The following PTPRM variants were observed in gnomAD, a reference collection of about 807,000 sequenced individuals.
PTPRM encodes receptor-type tyrosine-protein phosphatase mu.
Under a neutral mutation model 186.7 loss-of-function variants are expected in PTPRM, and 47 were observed. The ratio of observed to expected loss-of-function variants is 0.25; its 90% CI spans 0.20 to 0.32. The LOEUF (loss-of-function observed/expected upper bound fraction) is 0.32, where lower values mean the gene tolerates loss of function less well. PTPRM is among the 10% of genes least tolerant of loss of function. The pLI is 1.00. For missense variants in PTPRM, 1,494 were observed against 1,865.0 expected, an observed-to-expected ratio of 0.80 and a Z score of 3.66; for synonymous variants, 668 against 674.9, an observed-to-expected ratio of 0.99 and a Z score of 0.16.
At chr18:7,910,875 G>T (rs2050227674) in intron 4 of PTPRM, among the ~76,000 whole-genome samples, 1 of 152,092 alleles carries the variant, frequency 6.6e-6, no homozygotes, top group Non-Finnish European at 1.5e-5. Flanking sequence ...TTTAGTTCTA[G>T]GAAGTCAGCA....
chr18:7,966,980 T>G (rs1276913557), intron 7 of PTPRM, among the ~76,000 whole-genome samples: 1 of 117,982 alleles, frequency 8.5e-6, no homozygotes, highest in African/African-American at 2.7e-5. Flanking sequence ...TGCCTGCCTC[T>G]GTAGGCTCCA....
intron 13 of PTPRM, among the ~76,000 whole-genome samples, chr18:8,126,933 G>A (rs1236932374): frequency 1.3e-5 from 2 of 152,076 alleles, no homozygotes; most frequent in African/African-American, 4.8e-5. Context: ...GCAGTAAGGT[G>A]ATACAGGCAG....
chr18:7,574,315 G>C (rs2036633583), intron 1 of PTPRM, among the ~76,000 whole-genome samples: 1 of 152,116 alleles, frequency 6.6e-6, no homozygotes, highest in African/African-American at 2.4e-5. Flanking sequence ...TACTTACCAC[G>C]ATGTAACAAT....
At chr18:7,594,428 C>T (rs992924352) in intron 1 of PTPRM, among the ~76,000 whole-genome samples, 7 of 151,622 alleles carry the variant, frequency 4.6e-5, no homozygotes, top group Admixed American at 2.0e-4. Context: ...TGCATTGAGC[C>T]GAGATTGTGC....
At chr18:7,650,847 T>C (rs1429045525) in intron 1 of PTPRM, among the ~76,000 whole-genome samples, 1 of 151,948 alleles carries the variant, frequency 6.6e-6, no homozygotes, top group African/African-American at 2.4e-5. Flanking sequence ...ACCTTACACC[T>C]TCTACAAAAA....
intron 1 of PTPRM, among the ~76,000 whole-genome samples, chr18:7,587,802 A>G (rs2037018228): frequency 1.3e-5 from 2 of 152,180 alleles, no homozygotes; most frequent in South Asian, 4.1e-4. Flanking sequence ...TAGGCTAATC[A>G]ATAAGTGAAC....
At chr18:8,289,589 CACATATATATAT>C (rs1238029518) in intron 19 of PTPRM, among the ~76,000 whole-genome samples, 7 of 110,818 alleles carry the variant, frequency 6.3e-5, no homozygotes, top group Admixed American at 1.8e-4. Context: ...TATATATATA[CACATATATATAT>C]ACACACATAT....
intron 14 of PTPRM, among the ~76,000 whole-genome samples, chr18:8,166,301 C>T (rs2093323300): frequency 1.3e-5 from 2 of 152,148 alleles, no homozygotes; most frequent in Non-Finnish European, 2.9e-5. Context: ...CTCCCTGCAA[C>T]CCGCTTTCCC....
intron 2 of PTPRM, among the ~76,000 whole-genome samples, chr18:7,880,147 C>T (rs747640011): frequency 2.6e-5 from 4 of 152,116 alleles, no homozygotes; most frequent in Non-Finnish European, 4.4e-5. Flanking sequence ...TGGGACCCTC[C>T]CACGACATGT....
intron 19 of PTPRM, 40 bp from the exon 20 acceptor site, chr18:8,296,328 C>G (rs374614546): frequency 4.7e-5 from 63 of 1,335,630 alleles, no homozygotes; most frequent in Non-Finnish European, 6.5e-5. Flanking sequence ...CCTCTGTTTA[C>G]TGCGCCAAAT....
At chr18:7,640,296 T>C (rs373890534) in intron 1 of PTPRM, among the ~76,000 whole-genome samples, 190 of 152,320 alleles carry the variant, frequency 1.2e-3, no homozygotes, top group Admixed American at 2.2e-3. Context: ...TATATATATG[T>C]CATTCCAAAT....
chr18:7,702,312 G>A (rs930173121), intron 1 of PTPRM, among the ~76,000 whole-genome samples: 2 of 152,188 alleles, frequency 1.3e-5, no homozygotes, highest in African/African-American at 2.4e-5. Context: ...CACCAACAGT[G>A]TAAAAGCATT....
At chr18:7,781,569 C>A (rs2042855543) in intron 2 of PTPRM, among the ~76,000 whole-genome samples, 1 of 152,068 alleles carries the variant, frequency 6.6e-6, no homozygotes, top group Non-Finnish European at 1.5e-5. Flanking sequence ...TGAGCATAGT[C>A]CCCATAGGTG....
chr18:8,378,440 C>A, intron 27 of PTPRM, 26 bp downstream of exon 27: 1 of 1,610,876 alleles, frequency 6.2e-7, no homozygotes, highest in Non-Finnish European at 8.5e-7. Flanking sequence ...GGGAGGGGCA[C>A]TGCACGGTGA....
intron 1 of PTPRM, among the ~76,000 whole-genome samples, chr18:7,580,545 C>T (rs991645022): frequency 2.0e-5 from 3 of 152,112 alleles, no homozygotes; most frequent in Non-Finnish European, 2.9e-5. Flanking sequence ...TGATAATATA[C>T]GTAAGCCTTA....
chr18:7,673,101 C>T (rs752601967), intron 1 of PTPRM, among the ~76,000 whole-genome samples: 1 of 152,182 alleles, frequency 6.6e-6, no homozygotes, highest in Non-Finnish European at 1.5e-5. Flanking sequence ...TCCCAGGGTA[C>T]AGGACTTGAC....
chr18:8,143,717 C>G lies in PTPRM; in HGVS notation c.2238C>G (p.Val746=), dbSNP rs1363197308. The part of the protein sequence containing the change: ...QTDHTVKIAG[V]IAGILLFVII... ...ACCATACAGTTAAAATTGCTGGAGT[C>G]ATCGCGGGCATCTTGCTGTTCGTGA... The change falls in exon 14 of 33, where the codon GTC becomes GTG. Residue 746 remains valine, a synonymous_variant. Transcript: ENST00000580170. The G allele has an allele frequency of 6.2e-7, 1 of 1,613,772 alleles. No homozygotes were observed. The highest frequency in any genetic ancestry group is 8.5e-7 in the Non-Finnish European group (1 of 1,179,664).
intron 14 of PTPRM, among the ~76,000 whole-genome samples, chr18:8,185,009 G>T (rs988799717): frequency 4.0e-5 from 6 of 151,898 alleles, no homozygotes; most frequent in East Asian, 3.9e-4. Flanking sequence ...CTATCTTGTT[G>T]GTTTTCTTTT....
chr18:8,241,197 G>T (rs1202643635), intron 14 of PTPRM, among the ~76,000 whole-genome samples: 4 of 152,240 alleles, frequency 2.6e-5, no homozygotes, highest in South Asian at 2.1e-4. Flanking sequence ...AATTAGCTGG[G>T]TGTGGTGGCT....
Sources: allele counts gnomAD v4.1 joint callset (sites outside exome capture counted in the v4.1 genomes callset), GRCh38; gene constraint gnomAD v4.1.1; transcripts MANE v1.5; gene names NCBI Gene and HGNC (gene_info 2026-07-23, HGNC 2026-07-21).